KHDRBS2: variants seen among roughly 807,000 people sequenced by gnomAD.
KHDRBS2 encodes the protein KH domain-containing, RNA-binding, signal transduction-associated protein 2.
Under a neutral mutation model 44.3 loss-of-function variants are expected in KHDRBS2, and 26 were observed. The observed-to-expected ratio is 0.59, with a 90% CI of 0.43 to 0.81. The LOEUF (loss-of-function observed/expected upper bound fraction) is 0.81. Among genes scored for constraint, KHDRBS2 ranks in the 40% least tolerant of loss-of-function variants. The pLI is 0.00. For synonymous variants in KHDRBS2, 194 were observed against 151.1 expected, an observed-to-expected ratio of 1.28 and a Z score of -2.08; for missense variants, 476 against 433.1, an observed-to-expected ratio of 1.10 and a Z score of -0.88.
At chr6:62,019,726 C>G (rs556010544) in intron 3 of KHDRBS2, among the ~76,000 whole-genome samples, 1 of 152,108 alleles carries the variant, frequency 6.6e-6, no homozygotes, top group East Asian at 1.9e-4. Context: ...TGACATAAAG[C>G]TGCTCATAAT....
At chr6:61,932,161 G>A (rs1318332904) in intron 4 of KHDRBS2, among the ~76,000 whole-genome samples, 1 of 152,132 alleles carries the variant, frequency 6.6e-6, no homozygotes, top group Non-Finnish European at 1.5e-5. Flanking sequence ...ATTTTCGACT[G>A]TGCAGGAAGT....
At chr6:61,601,265 C>T in the KHDRBS2 span, among the ~76,000 whole-genome samples, 4 of 152,050 alleles carry the variant, frequency 2.6e-5, no homozygotes, top group African/African-American at 4.8e-5. Flanking sequence ...ACCCCCCACC[C>T]CTTCTCTCCA....
chr6:62,138,398 A>G (rs1460040543), intron 2 of KHDRBS2, among the ~76,000 whole-genome samples: 1 of 152,342 alleles, frequency 6.6e-6, no homozygotes, highest in African/African-American at 2.4e-5. Context: ...TAAAGGATCC[A>G]TATTTCAGGA....
chr6:62,222,230 GAGAGAC>G (rs1312418570), intron 1 of KHDRBS2, among the ~76,000 whole-genome samples: 2 of 151,832 alleles, frequency 1.3e-5, no homozygotes, highest in Non-Finnish European at 2.9e-5. Context: ...GGGAGGGAGA[GAGAGAC>G]AGAGAGAATG....
chr6:61,655,996 G>A, the KHDRBS2 span, among the ~76,000 whole-genome samples: 2 of 152,172 alleles, frequency 1.3e-5, no homozygotes, highest in South Asian at 2.1e-4. Flanking sequence ...ACTGCCTAGA[G>A]AGAAATCTGA....
chr6:62,256,522 CAT>C (rs1038026435), intron 1 of KHDRBS2, among the ~76,000 whole-genome samples: 12 of 151,984 alleles, frequency 7.9e-5, no homozygotes, highest in Non-Finnish European at 1.3e-4. Flanking sequence ...TCTGCCGCCA[CAT>C]GAGACGTGCA....
intron 1 of KHDRBS2, among the ~76,000 whole-genome samples, chr6:62,262,709 C>T (rs2150182684): frequency 6.6e-6 from 1 of 151,732 alleles, no homozygotes; most frequent in East Asian, 1.9e-4. Context: ...TTGATTCCTA[C>T]ATCTAGCACA....
intron 2 of KHDRBS2, among the ~76,000 whole-genome samples, chr6:62,089,345 C>T (rs1157582531): frequency 4.0e-5 from 6 of 151,700 alleles, no homozygotes; most frequent in East Asian, 1.9e-4. Context: ...TGCTTGAAAC[C>T]GAGGGCCCTT....
At chr6:61,762,615 G>A (rs1402040547) in intron 6 of KHDRBS2, among the ~76,000 whole-genome samples, 2 of 152,158 alleles carry the variant, frequency 1.3e-5, no homozygotes, top group Non-Finnish European at 2.9e-5. Context: ...CTTGTACCGT[G>A]ATTGGAAGCA....
At chr6:62,035,958 T>C (rs1785202686) in intron 3 of KHDRBS2, among the ~76,000 whole-genome samples, 1 of 151,972 alleles carries the variant, frequency 6.6e-6, no homozygotes, top group Admixed American at 6.6e-5. Context: ...TAAATATACT[T>C]TGATCAATTT....
In KHDRBS2 at chr6:62,258,210, T is replaced by C. The variant is rs147258754; in HGVS notation, c.91+27648A>G. Among the ~76,000 whole-genome samples the C allele has an allele frequency of 3.1e-3, 467 of 152,124 alleles. 2 individuals carry two copies. Among genetic ancestry groups the C allele is most frequent in the South Asian group, 6.2e-3 (30 of 4,832 alleles). On this transcript the variant is annotated intron_variant, in intron 1 of 8. Transcript: ENST00000281156. ...GTTGGGGGACCAGGAAGTGGATCCC[T>C]GAAGGATAAAGACGCACTCTGCTAG...
At chr6:61,693,815 A>T (rs572509292) in intron 8 of KHDRBS2, among the ~76,000 whole-genome samples, 1 of 152,252 alleles carries the variant, frequency 6.6e-6, no homozygotes, top group South Asian at 2.1e-4. Context: ...ACTACAAAGA[A>T]AGTACAATAT....
intron 8 of KHDRBS2, among the ~76,000 whole-genome samples, chr6:61,690,015 G>C (rs1767219291): frequency 6.6e-6 from 1 of 151,854 alleles, no homozygotes; most frequent in Non-Finnish European, 1.5e-5. Context: ...AAAATACTTA[G>C]CAAATATGCC....
chr6:61,735,407 C>T (rs745710784), intron 6 of KHDRBS2, among the ~76,000 whole-genome samples: 1 of 152,076 alleles, frequency 6.6e-6, no homozygotes, highest in Non-Finnish European at 1.5e-5. Flanking sequence ...ACAATAAATT[C>T]ACATTACTGT....
At chr6:61,820,564 T>C (rs1428581266) in intron 6 of KHDRBS2, among the ~76,000 whole-genome samples, 2 of 152,034 alleles carry the variant, frequency 1.3e-5, no homozygotes, top group Non-Finnish European at 2.9e-5. Flanking sequence ...GAGAGTTTAC[T>C]TCTGGAAAAT....
At chr6:61,747,800 A>G (rs756356817) in intron 6 of KHDRBS2, among the ~76,000 whole-genome samples, 1 of 152,166 alleles carries the variant, frequency 6.6e-6, no homozygotes, top group Non-Finnish European at 1.5e-5. Flanking sequence ...AGCATGAGTT[A>G]CCTTCTAAAA....
chr6:62,195,281 T>C (rs1418866393), intron 1 of KHDRBS2, among the ~76,000 whole-genome samples: 3 of 152,220 alleles, frequency 2.0e-5, no homozygotes, highest in African/African-American at 7.2e-5. Flanking sequence ...CCTGCAACCT[T>C]GCTAAACTCA....
chr6:61,999,538 CT>C (rs1777832423), intron 3 of KHDRBS2, among the ~76,000 whole-genome samples: 1 of 152,012 alleles, frequency 6.6e-6, no homozygotes, highest in South Asian at 2.1e-4. Flanking sequence ...TGGCACATAC[CT>C]TTGGATTTTG....
the KHDRBS2 span, among the ~76,000 whole-genome samples, chr6:61,544,996 G>A: frequency 1.3e-5 from 2 of 151,836 alleles, no homozygotes; most frequent in African/African-American, 4.8e-5. Context: ...CGAGTTAATG[G>A]GTGCAGCACA....
Sources: allele counts gnomAD v4.1 joint callset (sites outside exome capture counted in the v4.1 genomes callset), GRCh38; gene constraint gnomAD v4.1.1; transcripts MANE v1.5; gene names NCBI Gene and HGNC (gene_info 2026-07-23, HGNC 2026-07-21).